TEC: variants seen among roughly 807,000 people sequenced by gnomAD.
The protein encoded by TEC is tec protein tyrosine kinase, also known as tyrosine-protein kinase Tec.
In TEC, 72 loss-of-function variants were observed where a neutral mutation model predicts 93.0. That is an observed-to-expected ratio of 0.77 (90% CI 0.64 to 0.94). TEC has a LOEUF of 0.94. Ranked by LOEUF, TEC falls within the 40% of genes least tolerant of loss-of-function variation. The pLI is 0.00. For synonymous variants in TEC, 249 were observed against 247.7 expected, an observed-to-expected ratio of 1.01 and a Z score of -0.05; for missense variants, 630 against 757.9, an observed-to-expected ratio of 0.83 and a Z score of 1.98.
At chr4:48,181,336 A>G (rs1484548509) in intron 2 of TEC, among the ~76,000 whole-genome samples, 2 of 152,138 alleles carry the variant, frequency 1.3e-5, no homozygotes, top group Admixed American at 6.6e-5. Context: ...TATTCTAGCC[A>G]CATCTGAAGG....
rs2109497262 is a variant in TEC at position 48,137,322 on chromosome 4, G to A, written c.*94C>T. 1.0e-6 allele frequency: 1 copy of A among 958,812 alleles called. No individual in the cohort carries two copies. Among genetic ancestry groups the A allele is most frequent in the South Asian group, 1.5e-5 (1 of 67,146 alleles). 59.4% of individuals were successfully genotyped at this position (958,812 alleles called of 1,614,324 possible). On this transcript the variant is annotated 3_prime_UTR_variant, in exon 18 of 18. Coordinates refer to ENST00000381501, the MANE Select transcript of TEC (RefSeq NM_003215.3). ...TGTGTTTCCACTGTATAAGTAAAAT[G>A]ATCTACATGTCCAAGTGCTCAATAA...
intron 1 of TEC, among the ~76,000 whole-genome samples, chr4:48,244,132 A>G (rs2109660341): frequency 6.6e-6 from 1 of 152,194 alleles, no homozygotes; most frequent in Non-Finnish European, 1.5e-5. Context: ...AAAGTAAGAA[A>G]CAGCTTATAT....
At chr4:48,157,256 A>T (rs1400108713) in intron 8 of TEC, among the ~76,000 whole-genome samples, 1 of 152,208 alleles carries the variant, frequency 6.6e-6, no homozygotes, top group African/African-American at 2.4e-5. Flanking sequence ...TCCTATCAAT[A>T]TGGCAGCAGA....
intron 2 of TEC, 64 bp from the exon 3 acceptor site, chr4:48,176,250 T>A: frequency 7.7e-7 from 1 of 1,294,650 alleles, no homozygotes; most frequent in Non-Finnish European, 1.1e-6. Flanking sequence ...ACAGTAATAT[T>A]GTTAAGGAAA....
intron 1 of TEC, among the ~76,000 whole-genome samples, chr4:48,267,767 C>G (rs1403097352): frequency 2.0e-5 from 3 of 152,198 alleles, no homozygotes; most frequent in African/African-American, 7.2e-5. Flanking sequence ...CTCATGCTGA[C>G]TCTGCAGACC....
At chr4:48,228,985 T>C (rs1381194163) in intron 1 of TEC, among the ~76,000 whole-genome samples, 3 of 152,226 alleles carry the variant, frequency 2.0e-5, no homozygotes, top group Non-Finnish European at 4.4e-5. Flanking sequence ...AAGTATCTCA[T>C]ATGGAAAAGC....
chr4:48,139,427 A>T (rs561556061), intron 15 of TEC, among the ~76,000 whole-genome samples: 1 of 152,258 alleles, frequency 6.6e-6, no homozygotes, highest in African/African-American at 2.4e-5. Flanking sequence ...TAAAGCATCT[A>T]GAAACACACA....
At chr4:48,178,042 A>G (rs570558551) in intron 2 of TEC, among the ~76,000 whole-genome samples, 1 of 152,262 alleles carries the variant, frequency 6.6e-6, no homozygotes, top group African/African-American at 2.4e-5. Context: ...GAATGGACTA[A>G]TACAACAGTT....
chr4:48,189,397 C>T, intron 2 of TEC, among the ~76,000 whole-genome samples: 1 of 152,224 alleles, frequency 6.6e-6, no homozygotes, highest in East Asian at 1.9e-4. Flanking sequence ...AAAGGTTACA[C>T]ACACTAACTC....
chr4:48,204,741 G>A, intron 2 of TEC, among the ~76,000 whole-genome samples: 1 of 152,204 alleles, frequency 6.6e-6, no homozygotes, highest in East Asian at 1.9e-4. Context: ...CAGTTCACAA[G>A]AGGGTTCGTG....
chr4:48,164,049 A>G (rs886806308), intron 7 of TEC, among the ~76,000 whole-genome samples: 1 of 152,120 alleles, frequency 6.6e-6, no homozygotes, highest in African/African-American at 2.4e-5. Context: ...TTTTTTCCCA[A>G]AGGTCCTAAA....
intron 8 of TEC, among the ~76,000 whole-genome samples, chr4:48,161,777 A>G (rs185562807): frequency 6.6e-6 from 1 of 152,222 alleles, no homozygotes; most frequent in Non-Finnish European, 1.5e-5. Context: ...ACCCACCCTC[A>G]ATCTGGATGG....
intron 1 of TEC, among the ~76,000 whole-genome samples, chr4:48,246,418 A>G (rs993029983): frequency 6.6e-6 from 1 of 152,114 alleles, no homozygotes; most frequent in African/African-American, 2.4e-5. Flanking sequence ...AGAACTGGAC[A>G]AGGTGATTCT....
Position 48,260,671 on chromosome 4 carries a change from G to A in TEC, c.-46+9081C>T, listed in dbSNP as rs561856943. Among the ~76,000 whole-genome samples the A allele has an allele frequency of 3.3e-4, 50 of 151,744 alleles. No individual in the cohort carries two copies. The South Asian group carries it at 9.3e-3, about 28-fold the overall frequency. ...CTGGGGAGTGGCTCAAAATACCACC[G>A]TATGCTAACATGACAGAATTACCCA... is the stretch of plus-strand genomic sequence containing the variant. On this transcript the variant is annotated intron_variant, in intron 1 of 17. Transcript: ENST00000381501.
intron 11 of TEC, among the ~76,000 whole-genome samples, chr4:48,146,916 C>T (rs1719940844): frequency 6.6e-6 from 1 of 152,188 alleles, no homozygotes; most frequent in Non-Finnish European, 1.5e-5. Flanking sequence ...ATTTCCTCTA[C>T]TACAAGATAT....
chr4:48,219,620 G>A (rs1424365112), intron 2 of TEC, among the ~76,000 whole-genome samples: 2 of 152,142 alleles, frequency 1.3e-5, no homozygotes, highest in Non-Finnish European at 2.9e-5. Flanking sequence ...AGAAAACGCT[G>A]ACGTATGCTG....
intron 1 of TEC, among the ~76,000 whole-genome samples, chr4:48,233,919 G>C (rs536449754): frequency 3.6e-4 from 55 of 151,210 alleles, no homozygotes; most frequent in African/African-American, 1.3e-3. Context: ...AGAAAGCAAA[G>C]AAAACAGAAT....
At chr4:48,179,590 G>C (rs6818552) in intron 2 of TEC, among the ~76,000 whole-genome samples, 1 of 150,584 alleles carries the variant, frequency 6.6e-6, no homozygotes, top group African/African-American at 2.4e-5. Context: ...GGTTTCATCA[G>C]GTTGGCCGGG....
chr4:48,178,366 GC>G (rs1721419227), intron 2 of TEC, among the ~76,000 whole-genome samples: 1 of 151,964 alleles, frequency 6.6e-6, no homozygotes, highest in Non-Finnish European at 1.5e-5. Context: ...TACCCTTTTT[GC>G]TTTTCTTTTA....
Sources: allele counts gnomAD v4.1 joint callset (sites outside exome capture counted in the v4.1 genomes callset), GRCh38; gene constraint gnomAD v4.1.1; transcripts MANE v1.5; gene names NCBI Gene and HGNC (gene_info 2026-07-23, HGNC 2026-07-21).